The following MACROH2A2 variants were observed in gnomAD, a reference collection of about 807,000 sequenced individuals.
MACROH2A2 encodes the protein core histone macro-H2A.2.
In MACROH2A2, 6 loss-of-function variants were observed where a neutral mutation model predicts 37.6. The ratio of observed to expected loss-of-function variants is 0.16; its 90% CI spans 0.09 to 0.32. MACROH2A2 has a LOEUF of 0.32. MACROH2A2 is among the 10% of genes least tolerant of loss of function. The probability of loss-of-function intolerance (pLI) is 1.00; values close to 1 mark genes in which losing one functional copy is unlikely to be tolerated. For missense variants in MACROH2A2, 290 were observed against 485.9 expected (o/e 0.60, Z 3.79); for synonymous variants, 192 against 202.7 (o/e 0.95, Z 0.45).
At chr10:70,080,364 A>T (rs554088065) in intron 2 of MACROH2A2, among the ~76,000 whole-genome samples, 1 of 152,006 alleles carries the variant, frequency 6.6e-6, no homozygotes, top group South Asian at 2.1e-4. Flanking sequence ...CTGTACCTGA[A>T]GTAGGGAGCA....
intron 5 of MACROH2A2, among the ~76,000 whole-genome samples, chr10:70,095,268 T>C (rs1238002858): frequency 1.3e-5 from 2 of 150,750 alleles, no homozygotes; most frequent in Admixed American, 1.3e-4. Context: ...CTCAGGAGGC[T>C]GAGGCAGGAG....
At chr10:70,106,802 CAAA>C (rs56986649) in intron 7 of MACROH2A2, among the ~76,000 whole-genome samples, 20 of 65,374 alleles carry the variant, frequency 3.1e-4, no homozygotes, top group East Asian at 7.3e-4. Flanking sequence ...CATCCTGTCT[CAAA>C]AAAAAAAAAA....
chr10:70,087,757 G>C (rs1349792296), intron 2 of MACROH2A2, among the ~76,000 whole-genome samples: 2 of 152,156 alleles, frequency 1.3e-5, no homozygotes, highest in Non-Finnish European at 2.9e-5. Context: ...AGAAAACACG[G>C]TCACTGCATA....
chr10:70,066,779 G>A (rs963268411), intron 1 of MACROH2A2, among the ~76,000 whole-genome samples: 2 of 152,180 alleles, frequency 1.3e-5, no homozygotes, highest in Non-Finnish European at 2.9e-5. Context: ...TCTAAGACAT[G>A]CACGTACACG....
intron 1 of MACROH2A2, among the ~76,000 whole-genome samples, chr10:70,057,114 C>G (rs2072022813): frequency 6.6e-6 from 1 of 152,138 alleles, no homozygotes; most frequent in South Asian, 2.1e-4. Flanking sequence ...ATATTTAAGG[C>G]TGGTTTCATT....
intron 1 of MACROH2A2, among the ~76,000 whole-genome samples, chr10:70,071,151 T>C (rs925926958): frequency 6.6e-6 from 1 of 152,136 alleles, no homozygotes; most frequent in African/African-American, 2.4e-5. Context: ...CATGCAGCAT[T>C]CTCTGGTGGA....
At chr10:70,058,844 T>C (rs938004064) in intron 1 of MACROH2A2, among the ~76,000 whole-genome samples, 1 of 152,134 alleles carries the variant, frequency 6.6e-6, no homozygotes. Context: ...AACTTCCAAA[T>C]TGAGCTTTCT....
chr10:70,095,560 T>C lies in MACROH2A2; in HGVS notation c.589-94T>C, dbSNP rs1375398439. The C allele has an allele frequency of 4.3e-6, 3 of 690,454 alleles. No homozygotes were observed. In the South Asian group the frequency reaches 5.2e-5, roughly 12 times the overall value. 42.8% of individuals were successfully genotyped at this position (690,454 alleles called of 1,614,324 possible). ...CCCCTATGTTGACATTGGGTATGAATAATTAAAGAGAATTAATGAATGCAA... is the reference window on the plus strand; with the variant it reads ...CCCCTATGTTGACATTGGGTATGAACAATTAAAGAGAATTAATGAATGCAA... On this transcript the variant is annotated intron_variant, in intron 5 of 8. Coordinates refer to ENST00000373255, the MANE Select transcript of MACROH2A2 (RefSeq NM_018649.3).
At chr10:70,085,126 G>A (rs1447842099) in intron 2 of MACROH2A2, among the ~76,000 whole-genome samples, 2 of 152,206 alleles carry the variant, frequency 1.3e-5, no homozygotes, top group East Asian at 1.9e-4. Context: ...AAGGAGATGG[G>A]GAGTGGGAGA....
intron 6 of MACROH2A2, 21 bp from the exon 7 acceptor site, chr10:70,100,187 T>G: frequency 7.3e-7 from 1 of 1,363,458 alleles, no homozygotes; most frequent in African/African-American, 1.4e-5. Flanking sequence ...CACAGTGGCT[T>G]CCCATTGCTC....
intron 1 of MACROH2A2, among the ~76,000 whole-genome samples, chr10:70,054,080 T>C (rs1326187277): frequency 6.6e-6 from 1 of 152,178 alleles, no homozygotes; most frequent in Non-Finnish European, 1.5e-5. Context: ...TTGCCCTCTT[T>C]GTTCCTTACA....
rs1405675961 is a variant in MACROH2A2 at position 70,107,682 on chromosome 10, G to A, written c.779-1351G>A. ...AACAAAGGAGTATGACAGAAATTGT[G>A]AGACAAGGCTGGCCTAATTCAGTTT... On this transcript the variant is annotated intron_variant, in intron 7 of 8. Coordinates refer to ENST00000373255, the MANE Select transcript of MACROH2A2 (RefSeq NM_018649.3). The surrounding 1 kb of genome is among the most constrained non-coding windows in gnomAD (Gnocchi z 4.4). Among the ~76,000 whole-genome samples the A allele has an allele frequency of 6.6e-6, 1 of 152,220 alleles. No homozygotes were observed. Among genetic ancestry groups the A allele is most frequent in the Admixed American group, 6.5e-5 (1 of 15,280 alleles).
At chr10:70,071,094 T>TGC (rs1554821741) in intron 1 of MACROH2A2, among the ~76,000 whole-genome samples, 3 of 150,646 alleles carry the variant, frequency 2.0e-5, no homozygotes, top group Admixed American at 6.6e-5. Flanking sequence ...TGTGTGTGTG[T>TGC]GCGCGTGTGC....
At chr10:70,060,697 C>T (rs1007400598) in intron 1 of MACROH2A2, among the ~76,000 whole-genome samples, 1 of 152,216 alleles carries the variant, frequency 6.6e-6, no homozygotes, top group African/African-American at 2.4e-5. Flanking sequence ...GTGCCCTGCT[C>T]AGAGAAGTAA....
At chr10:70,070,340 C>T (rs2072102042) in intron 1 of MACROH2A2, among the ~76,000 whole-genome samples, 1 of 152,146 alleles carries the variant, frequency 6.6e-6, no homozygotes, top group Non-Finnish European at 1.5e-5. Context: ...GTCTGGAAGC[C>T]ACAGAGGGAA....
At chr10:70,085,591 C>T (rs1208456410) in intron 2 of MACROH2A2, among the ~76,000 whole-genome samples, 2 of 152,150 alleles carry the variant, frequency 1.3e-5, no homozygotes, top group Non-Finnish European at 1.5e-5. Context: ...AAATTGTATA[C>T]AAAATGAAGG....
intron 1 of MACROH2A2, among the ~76,000 whole-genome samples, chr10:70,056,466 G>A (rs921935728): frequency 2.6e-5 from 4 of 152,188 alleles, no homozygotes; most frequent in African/African-American, 7.2e-5. Context: ...TTGAATTAAT[G>A]TATGTCTTGC....
At chr10:70,058,781 C>G (rs1164920555) in intron 1 of MACROH2A2, among the ~76,000 whole-genome samples, 3 of 152,084 alleles carry the variant, frequency 2.0e-5, no homozygotes, top group Non-Finnish European at 4.4e-5. Context: ...CAATATGCAA[C>G]ATAAACTTTT....
chr10:70,067,434 G>A (rs991036879), intron 1 of MACROH2A2, among the ~76,000 whole-genome samples: 6 of 152,174 alleles, frequency 3.9e-5, no homozygotes, highest in East Asian at 3.9e-4. Flanking sequence ...CAAGAATTCC[G>A]ATGCTGGACC....
Sources: allele counts gnomAD v4.1 joint callset (sites outside exome capture counted in the v4.1 genomes callset), GRCh38; gene constraint gnomAD v4.1.1; non-coding constraint Gnocchi (gnomAD v3.1); transcripts MANE v1.5; gene names NCBI Gene and HGNC (gene_info 2026-07-23, HGNC 2026-07-21).